MYH9: variants seen among roughly 807,000 people sequenced by gnomAD.
The protein encoded by MYH9 is myosin heavy chain 9.
Under a neutral mutation model 241.9 loss-of-function variants are expected in MYH9, and 29 were observed. The observed-to-expected ratio is 0.12, with a 90% CI of 0.09 to 0.16. MYH9 has a LOEUF of 0.16. MYH9 is among the 10% of genes least tolerant of loss of function. The pLI is 1.00. For missense variants in MYH9, 1,803 were observed against 2,595.5 expected, an observed-to-expected ratio of 0.69 and a Z score of 6.63; for synonymous variants, 1,047 against 1,062.6, an observed-to-expected ratio of 0.99 and a Z score of 0.29.
At position 36,293,624 on chromosome 22, in the gene MYH9, C is replaced by A; in HGVS notation, c.3942+135G>T. ...AAAGACCTGGAGGGAGCTGGGAGGA[C>A]GCAGAGACCCACCCACAGGATGAAG... On this transcript the variant is annotated intron_variant, in intron 29 of 40. Transcript: ENST00000216181. This position sits in a 1 kb window ranked among gnomAD's most constrained non-coding sequence, Gnocchi z 5.1. The A allele has an allele frequency of 1.5e-6, 2 of 1,346,748 alleles. No homozygotes were observed. The highest frequency in any genetic ancestry group is 1.0e-6 in the Non-Finnish European group (1 of 954,750). 83.4% of individuals were successfully genotyped at this position (1,346,748 alleles called of 1,614,324 possible).
intron 1 of MYH9, among the ~76,000 whole-genome samples, chr22:36,356,094 G>C (rs890411259): frequency 6.6e-6 from 1 of 152,112 alleles, no homozygotes; most frequent in Non-Finnish European, 1.5e-5. Flanking sequence ...ACACCCCAGC[G>C]GCCTCAGCCC....
rs764719958 is a variant in MYH9 at position 36,285,276 on chromosome 22, G to T, written c.5328C>A (p.Asn1776Lys). Residue 1776 changes from asparagine (N) to lysine (K), a missense_variant, in exon 38 of 41, where the codon AAC becomes AAA. By Grantham distance (94) the Asn-to-Lys change is moderately conservative. This residue lies in a region of MYH9 where 876 missense variants were observed against 1,077.8 expected (regional missense o/e 0.81). Transcript: ENST00000216181. This position sits in a 1 kb window ranked among gnomAD's most constrained non-coding sequence, Gnocchi z 7.0. Reference protein sequence around the residue: ...LNLERSHAQKNENARQQLERQ... With the variant: ...LNLERSHAQKKENARQQLERQ... Reference sequence around the variant, plus strand: ...GTTCCAGCTGCTGCCGAGCATTCTCGTTCTTCTGGGCGTGGCTGCGCTCCA... The same window carrying T: ...GTTCCAGCTGCTGCCGAGCATTCTCTTTCTTCTGGGCGTGGCTGCGCTCCA... The T allele has an allele frequency of 3.1e-6, 5 of 1,613,828 alleles. No homozygotes were observed. Among genetic ancestry groups the T allele is most frequent in the Non-Finnish European group, 4.2e-6 (5 of 1,180,034 alleles).
Position 36,282,608 on chromosome 22 carries a change from TGGGAA to T in MYH9, c.*55_*59del. On this transcript the variant is annotated 3_prime_UTR_variant, in exon 41 of 41. Coordinates refer to ENST00000216181, the MANE Select transcript of MYH9 (RefSeq NM_002473.6). ...GTGGGGAGAGGCGTGCTGCGGGGTCTGGGAAGGGGAGGCTGTGGTGTCTGTCTGTC... is the reference window on the plus strand; with the variant it reads ...GTGGGGAGAGGCGTGCTGCGGGGTCTGGGGAGGCTGTGGTGTCTGTCTGTC... The T allele has an allele frequency of 2.7e-6, 4 of 1,507,206 alleles. No individual in the cohort carries two copies. The highest frequency in any genetic ancestry group is 3.7e-6 in the Non-Finnish European group (4 of 1,086,098). 93.4% of individuals were successfully genotyped at this position (1,507,206 alleles called of 1,614,324 possible). A position where few individuals can be genotyped will look rare whatever the true frequency, so the allele number is the denominator to read the frequency against.
chr22:36,324,973 G>T (rs1569536083), intron 5 of MYH9: 2 of 696,670 alleles, frequency 2.9e-6, no homozygotes, highest in East Asian at 5.4e-5. Context: ...TGTCTTTCAG[G>T]ACAGGAACTC....
In MYH9 at chr22:36,294,978, G is replaced by A. The variant is rs1603482935; in HGVS notation, c.3584C>T (p.Ser1195Leu). Residue 1195 changes from serine to leucine, a missense_variant, in exon 27 of 41, where the codon TCA (serine) becomes TTA (leucine). Ser to Leu is a moderately radical substitution (Grantham distance 145). This residue lies in a region of MYH9 where 876 missense variants were observed against 1,077.8 expected (regional missense o/e 0.81). Coordinates refer to ENST00000216181, the MANE Select transcript of MYH9 (RefSeq NM_002473.6). ...CTCCGCCAGCTCCTCCACGGCCTGT[G>A]AGTGCTTCTGCCTCATCTCCTGGAT... ...AQIQEMRQKHSQAVEELAEQL... is the reference protein window; with the variant it reads ...AQIQEMRQKHLQAVEELAEQL... The A allele has an allele frequency of 1.2e-6, 2 of 1,614,156 alleles. No individual in the cohort carries two copies. Among genetic ancestry groups the A allele is most frequent in the Non-Finnish European group, 1.7e-6 (2 of 1,180,038 alleles).
rs755544371 is a variant in MYH9, at chr22:36,300,973, G to A, written c.2716C>T (p.Leu906=). Residue 906 remains leucine, a synonymous_variant, in exon 22 of 41, where the codon CTG becomes TTG. Transcript: ENST00000216181. This position sits in a 1 kb window ranked among gnomAD's most constrained non-coding sequence, Gnocchi z 5.0. ...TCTAATTCCTGCTTCTTGGCGGTCA[G>A]GCGGGCCCGGAGCTCCTCAGCCTCG... ...CAEAEELRAR[L]TAKKQELEEI... 2.5e-6 allele frequency: 4 copies of A among 1,611,780 alleles called. No homozygotes were observed. Among genetic ancestry groups the A allele is most frequent in the Admixed American group, 1.7e-5 (1 of 60,028 alleles).
intron 1 of MYH9, among the ~76,000 whole-genome samples, chr22:36,382,727 C>A (rs1396276280): frequency 6.6e-6 from 1 of 151,854 alleles, no homozygotes; most frequent in Admixed American, 6.6e-5. Context: ...TGCTTGAACC[C>A]AGGAGGCAGA....
chr22:36,327,206 T>G (rs1029483109), intron 4 of MYH9, among the ~76,000 whole-genome samples: 5 of 152,196 alleles, frequency 3.3e-5, no homozygotes, highest in Non-Finnish European at 5.9e-5. Flanking sequence ...TTGCTTTTCC[T>G]TTCTGCCATA....
In MYH9 at chr22:36,293,505, C is replaced by T. The variant is rs754220979; in HGVS notation, c.3943-24G>A. 11 of 1,611,266 alleles carry T rather than the reference C, an allele frequency of 6.8e-6. No homozygotes were observed. Among genetic ancestry groups the T allele is most frequent in the East Asian group, 4.5e-5 (2 of 44,876 alleles). On this transcript the variant is annotated intron_variant, in intron 29 of 40. Coordinates refer to ENST00000216181, the MANE Select transcript of MYH9 (RefSeq NM_002473.6). The surrounding 1 kb of genome is among the most constrained non-coding windows in gnomAD (Gnocchi z 5.1). ...TCCTACTCGCGGGTTGAGAGGGGTGCGGGTGCTTAGGAGGGTGGTGTCCAA... is the reference window on the plus strand; with the variant it reads ...TCCTACTCGCGGGTTGAGAGGGGTGTGGGTGCTTAGGAGGGTGGTGTCCAA...
chr22:36,294,827 C>G, intron 27 of MYH9, 105 bp downstream of exon 27: 3 of 1,509,346 alleles, frequency 2.0e-6, no homozygotes, highest in Middle Eastern at 2.3e-4. Flanking sequence ...CAGAACCAGG[C>G]AGTTGGGTAG....
At position 36,293,235 on chromosome 22, in the gene MYH9, C is replaced by A; in HGVS notation, c.4095+94G>T. 3 of 1,545,254 alleles carry A rather than the reference C, an allele frequency of 1.9e-6. No homozygotes were observed. The highest frequency in any genetic ancestry group is 2.7e-6 in the Non-Finnish European group (3 of 1,129,354). ...AGGGGGAGAGCAGCAATGGGCCGGCCCAGCGGGCAGGGCTGTCCTGCAGTG... is the reference window on the plus strand; with the variant it reads ...AGGGGGAGAGCAGCAATGGGCCGGCACAGCGGGCAGGGCTGTCCTGCAGTG... On this transcript the variant is annotated intron_variant, in intron 30 of 40. Coordinates refer to ENST00000216181, the MANE Select transcript of MYH9 (RefSeq NM_002473.6). The surrounding 1 kb of genome is among the most constrained non-coding windows in gnomAD (Gnocchi z 5.1).
At chr22:36,283,434 G>A (rs1279790771) in intron 40 of MYH9, among the ~76,000 whole-genome samples, 1 of 151,738 alleles carries the variant, frequency 6.6e-6, no homozygotes, top group Non-Finnish European at 1.5e-5. Flanking sequence ...CTACTCCAGG[G>A]GCTGAGGGAG....
At chr22:36,365,291 T>C (rs16996698) in intron 1 of MYH9, among the ~76,000 whole-genome samples, 2,177 of 152,226 alleles carry the variant, frequency 0.014, 103 homozygotes, top group Admixed American at 0.084. Flanking sequence ...CAGAATTTTG[T>C]TAAGCCCTTT....
At position 36,292,217 on chromosome 22, in the gene MYH9, C is replaced by G. The variant is rs1695285420; in HGVS notation, c.4113G>C (p.Lys1371Asn). 6.2e-7 allele frequency: 1 copy of G among 1,613,914 alleles called. No homozygotes were observed. Among genetic ancestry groups the G allele is most frequent in the Admixed American group, 1.7e-5 (1 of 60,008 alleles). Residue 1371 changes from lysine to asparagine, a missense_variant, in exon 31 of 41, where the codon AAG (lysine) becomes AAC (asparagine). Physicochemically the swap from Lys to Asn is moderately conservative, Grantham distance 94 (BLOSUM62 0). Around this residue, in one of 11 missense-constraint regions of MYH9, gnomAD observed 876 missense variants for 1,077.8 expected, o/e 0.81. Transcript: ENST00000216181. ...GGCACCCCACACTGTCCTCCATCTT[C>G]TTTTTCATGTCGGCCACCTGGGCAG... ...TLHAQVADMK[K>N]KMEDSVGCLE...
At chr22:36,328,386 A>G (rs2017368341) in intron 3 of MYH9, among the ~76,000 whole-genome samples, 1 of 152,264 alleles carries the variant, frequency 6.6e-6, no homozygotes, top group Non-Finnish European at 1.5e-5. Context: ...TTCAAGCAAC[A>G]GCTGAAAATA....
At chr22:36,362,770 C>T (rs533954157) in intron 1 of MYH9, among the ~76,000 whole-genome samples, 1 of 152,302 alleles carries the variant, frequency 6.6e-6, no homozygotes, top group African/African-American at 2.4e-5. Flanking sequence ...GCCACTACAC[C>T]CGGCCTGAAA....
At chr22:36,304,894 G>C in intron 18 of MYH9, 139 bp downstream of exon 18, 4 of 863,670 alleles carry the variant, frequency 4.6e-6, no homozygotes, top group South Asian at 2.7e-5. Context: ...GCCCGGCAGA[G>C]TCAGACGCGG....
rs756867174 is a variant in MYH9 at position 36,288,769 on chromosome 22, C to T, written c.4728G>A (p.Arg1576=). The change falls in exon 33 of 41, where the codon CGG becomes CGA. Residue 1576 remains arginine, a synonymous_variant. Transcript: ENST00000216181. The surrounding 1 kb of genome is among the most constrained non-coding windows in gnomAD (Gnocchi z 4.8). ...TCTTCTTCTCCTCGCTCTGCTCGTC[C>T]CGGCCCTGCAGGTCCCGCTCGAACT... ...KAQFERDLQG[R]DEQSEEKKKQ... is the part of the protein sequence containing the mutation. 1.9e-6 allele frequency: 3 copies of T among 1,609,712 alleles called. No individual in the cohort carries two copies. Among genetic ancestry groups the T allele is most frequent in the African/African-American group, 2.7e-5 (2 of 74,908 alleles).
chr22:36,386,862 C>CG (rs1187824690), intron 1 of MYH9, among the ~76,000 whole-genome samples: 4 of 152,242 alleles, frequency 2.6e-5, no homozygotes, highest in Non-Finnish European at 4.4e-5. Context: ...CACAGGGAAG[C>CG]GGGTGCGTGG....
Sources: gnomAD v4.1 joint callset for allele counts (sites outside exome capture counted in the v4.1 genomes callset) on GRCh38, gnomAD v4.1.1 for gene constraint, gnomAD v4.1.1 regional missense constraint, Gnocchi (gnomAD v3.1) non-coding constraint, MANE v1.5 for transcripts, NCBI Gene and HGNC (gene_info 2026-07-23, HGNC 2026-07-21) for gene names.